SORCS1: variants seen among roughly 807,000 people sequenced by gnomAD.
The protein encoded by SORCS1 is sortilin related VPS10 domain containing receptor 1.
Under a neutral mutation model 146.1 loss-of-function variants are expected in SORCS1, and 60 were observed. The ratio of observed to expected loss-of-function variants is 0.41; its 90% confidence interval spans 0.33 to 0.51. The LOEUF is 0.51. SORCS1 is among the 20% of genes least tolerant of loss of function. SORCS1 has a pLI of 0.21. For synonymous variants in SORCS1, 637 were observed against 584.0 expected (o/e 1.09, Z -1.31); for missense variants, 1,352 against 1,487.6 (o/e 0.91, Z 1.50).
intron 5 of SORCS1, among the ~76,000 whole-genome samples, chr10:106,752,941 G>T (rs1858366455): frequency 6.6e-6 from 1 of 152,076 alleles, no homozygotes; most frequent in Admixed American, 6.6e-5. Context: ...TTAAAAAGCT[G>T]ATTCTAAATG....
intron 18 of SORCS1, among the ~76,000 whole-genome samples, chr10:106,641,426 T>C (rs1849062176): frequency 6.6e-6 from 1 of 152,204 alleles, no homozygotes; most frequent in African/African-American, 2.4e-5. Context: ...GAAGTGCTCC[T>C]CTTTGCTACG....
chr10:107,162,883 C>G (rs74608548), intron 1 of SORCS1, among the ~76,000 whole-genome samples: 2,709 of 152,296 alleles, frequency 0.018, 63 homozygotes, highest in African/African-American at 0.061. Flanking sequence ...AGCTGTAAAA[C>G]TTGAAATTTT....
At chr10:106,799,919 C>G (rs868488566) in intron 3 of SORCS1, among the ~76,000 whole-genome samples, 3 of 152,142 alleles carry the variant, frequency 2.0e-5, no homozygotes, top group African/African-American at 7.2e-5. Flanking sequence ...GGGGAATTGC[C>G]TTCTGTCACT....
At chr10:107,063,315 GT>G (rs1961414636) in intron 1 of SORCS1, among the ~76,000 whole-genome samples, 1 of 152,100 alleles carries the variant, frequency 6.6e-6, no homozygotes, top group Non-Finnish European at 1.5e-5. Flanking sequence ...AAATAAAACT[GT>G]TTTAGAAAAA....
chr10:106,686,157 G>A (rs1001159175), intron 10 of SORCS1, among the ~76,000 whole-genome samples: 25 of 152,198 alleles, frequency 1.6e-4, no homozygotes, highest in African/African-American at 6.0e-4. Flanking sequence ...TGATTGCCAA[G>A]TAAAAGTGGG....
intron 1 of SORCS1, among the ~76,000 whole-genome samples, chr10:107,094,208 C>G: frequency 6.6e-6 from 1 of 151,976 alleles, no homozygotes; most frequent in East Asian, 1.9e-4. Flanking sequence ...TCCTACACCC[C>G]CAGCACTCAA....
chr10:106,664,596 C>T lies in SORCS1; in HGVS notation c.2303+3093G>A, dbSNP rs146867974. Among the ~76,000 whole-genome samples the T allele has an allele frequency of 8.9e-4, 135 of 152,092 alleles. No individual in the cohort carries two copies. The East Asian group carries it at 0.014, about 16-fold the overall frequency. On this transcript the variant is annotated intron_variant, in intron 17 of 25. Transcript: ENST00000263054. ...GGCGGAGGTTGCAGTGAGCCGAGATCGTGCCACTGCACTCCAGCCTGGGTA... is the reference window on the plus strand; with the variant it reads ...GGCGGAGGTTGCAGTGAGCCGAGATTGTGCCACTGCACTCCAGCCTGGGTA...
At chr10:106,812,998 T>C (rs1381851850) in intron 3 of SORCS1, among the ~76,000 whole-genome samples, 1 of 152,198 alleles carries the variant, frequency 6.6e-6, no homozygotes, top group Non-Finnish European at 1.5e-5. Flanking sequence ...CCAAGAATCA[T>C]CATTTAGGGC....
chr10:106,919,718 A>T (rs1237007642), intron 2 of SORCS1, among the ~76,000 whole-genome samples: 1 of 152,120 alleles, frequency 6.6e-6, no homozygotes, highest in Non-Finnish European at 1.5e-5. Flanking sequence ...GCAAAAAAAT[A>T]AAAATGTATA....
intron 2 of SORCS1, among the ~76,000 whole-genome samples, chr10:106,921,979 G>A (rs1404398695): frequency 6.6e-6 from 1 of 152,154 alleles, no homozygotes; most frequent in Non-Finnish European, 1.5e-5. Flanking sequence ...ACCAAGTTGA[G>A]AAATCCCCTC....
intron 2 of SORCS1, among the ~76,000 whole-genome samples, chr10:106,909,133 C>A (rs1952033586): frequency 6.6e-6 from 1 of 152,152 alleles, no homozygotes; most frequent in Admixed American, 6.6e-5. Flanking sequence ...GTATCCTAGG[C>A]TCCTTGATGT....
At chr10:107,142,461 T>C (rs1415458677) in intron 1 of SORCS1, among the ~76,000 whole-genome samples, 1 of 152,234 alleles carries the variant, frequency 6.6e-6, no homozygotes, top group African/African-American at 2.4e-5. Context: ...AGGCACTGTG[T>C]TAGGCATAGT....
chr10:106,595,882 T>C (rs180744767), intron 24 of SORCS1, among the ~76,000 whole-genome samples: 20 of 152,234 alleles, frequency 1.3e-4, no homozygotes, highest in Admixed American at 2.6e-4. Flanking sequence ...TGTATCATTT[T>C]GACAGGATAT....
chr10:106,951,782 G>C (rs143639558), intron 2 of SORCS1, among the ~76,000 whole-genome samples: 4 of 152,246 alleles, frequency 2.6e-5, no homozygotes, highest in African/African-American at 9.6e-5. Flanking sequence ...TGGGGCCATG[G>C]GTACCTTGCA....
intron 2 of SORCS1, among the ~76,000 whole-genome samples, chr10:106,851,680 T>C (rs1165943081): frequency 6.6e-6 from 1 of 152,234 alleles, no homozygotes; most frequent in Non-Finnish European, 1.5e-5. Context: ...CAGTTGACTA[T>C]TCTGGGTCTC....
intron 1 of SORCS1, among the ~76,000 whole-genome samples, chr10:107,031,688 G>A (rs1958665263): frequency 6.6e-6 from 1 of 151,612 alleles, no homozygotes; most frequent in Non-Finnish European, 1.5e-5. Context: ...ACTACAGGCT[G>A]GAACTCCTGA....
At chr10:107,084,992 C>G (rs1963653831) in intron 1 of SORCS1, among the ~76,000 whole-genome samples, 1 of 152,138 alleles carries the variant, frequency 6.6e-6, no homozygotes, top group Non-Finnish European at 1.5e-5. Context: ...GCTTCTGAAA[C>G]CAGTGTCTGG....
At chr10:106,877,104 T>C (rs1950614973) in intron 2 of SORCS1, among the ~76,000 whole-genome samples, 1 of 152,214 alleles carries the variant, frequency 6.6e-6, no homozygotes, top group African/African-American at 2.4e-5. Context: ...TTCAACTCTT[T>C]TGTGCTTTAA....
intron 5 of SORCS1, among the ~76,000 whole-genome samples, chr10:106,759,850 C>G (rs1399865033): frequency 6.6e-6 from 1 of 151,992 alleles, no homozygotes; most frequent in Non-Finnish European, 1.5e-5. Flanking sequence ...TACCTCCAAT[C>G]TATATTTTTA....
Sources: allele counts gnomAD v4.1 joint callset (sites outside exome capture counted in the v4.1 genomes callset), GRCh38; gene constraint gnomAD v4.1.1; transcripts MANE v1.5; gene names NCBI Gene and HGNC (gene_info 2026-07-23, HGNC 2026-07-21).